The following IQCM variants were observed in gnomAD, a reference collection of about 807,000 sequenced individuals.
The protein encoded by IQCM is IQ domain-containing protein M.
A neutral mutation model predicts 57.6 loss-of-function variants in IQCM; 45 were observed. The ratio of observed to expected loss-of-function variants is 0.78; its 90% CI spans 0.62 to 1.00. The LOEUF (loss-of-function observed/expected upper bound fraction) is 1.00. Ranked by LOEUF, IQCM falls within the 50% of genes least tolerant of loss-of-function variation. The probability of loss-of-function intolerance (pLI) is 0.00; values close to 1 mark genes in which losing one functional copy is unlikely to be tolerated. For synonymous variants in IQCM, 148 were observed against 158.9 expected (o/e 0.93, Z 0.51); for missense variants, 468 against 511.6 (o/e 0.91, Z 0.82).
chr4:149,798,309 C>T (rs1428191155), intron 2 of IQCM, among the ~76,000 whole-genome samples: 1 of 151,812 alleles, frequency 6.6e-6, no homozygotes, highest in Non-Finnish European at 1.5e-5. Context: ...ATTTGCAAGC[C>T]TCATGATAAC....
chr4:149,526,396 A>C (rs1316459320), intron 12 of IQCM, among the ~76,000 whole-genome samples: 1 of 152,064 alleles, frequency 6.6e-6, no homozygotes, highest in Non-Finnish European at 1.5e-5. Flanking sequence ...GTACTTTCAT[A>C]TGCATATATA....
At chr4:149,395,730 A>C (rs1441393556) in intron 13 of IQCM, among the ~76,000 whole-genome samples, 1 of 152,030 alleles carries the variant, frequency 6.6e-6, no homozygotes, top group Admixed American at 6.6e-5. Flanking sequence ...TATTTTGGGA[A>C]CAATAAAGTG....
Position 149,699,308 on chromosome 4 carries a change from A to C in IQCM, c.386-12840T>G, listed in dbSNP as rs570963861. Among the ~76,000 whole-genome samples the C allele has an allele frequency of 5.1e-4, 77 of 152,174 alleles. 1 individual carries two copies. In the South Asian group the frequency reaches 0.015, roughly 30 times the overall value. On this transcript the variant is annotated intron_variant, in intron 5 of 13. Transcript: ENST00000636793. Reference sequence around the variant, plus strand: ...AATTAGATAGTATACACTCTTCCCCAAAAAAGGAAATAATACCAATTATCT... The same window carrying C: ...AATTAGATAGTATACACTCTTCCCCCAAAAAGGAAATAATACCAATTATCT...
At chr4:149,474,821 G>C (rs1363605499) in intron 12 of IQCM, among the ~76,000 whole-genome samples, 1 of 152,088 alleles carries the variant, frequency 6.6e-6, no homozygotes, top group Admixed American at 6.6e-5. Flanking sequence ...TAGTTAGCTG[G>C]ATGAAAATCT....
chr4:149,370,934 T>C lies in IQCM; in HGVS notation c.1391-18868A>G, dbSNP rs151133877. Reference sequence around the variant, plus strand: ...AAATCTACCTGGTGTATCTAAGATATAACCAGTACACAGCCCAATTTTCCT... The same window carrying C: ...AAATCTACCTGGTGTATCTAAGATACAACCAGTACACAGCCCAATTTTCCT... On this transcript the variant is annotated intron_variant, in intron 13 of 13. Transcript: ENST00000636793. Among the ~76,000 whole-genome samples the C allele has an allele frequency of 5.9e-3, 897 of 151,960 alleles. 5 individuals are homozygous for C. Among genetic ancestry groups the C allele is most frequent in the Non-Finnish European group, 9.3e-3 (635 of 67,938 alleles).
intron 3 of IQCM, among the ~76,000 whole-genome samples, chr4:149,737,030 C>T (rs1442242589): frequency 6.6e-6 from 1 of 152,158 alleles, no homozygotes. Context: ...ATGTACACCA[C>T]TACGGATAAA....
At chr4:149,532,044 T>A (rs1343814651) in intron 12 of IQCM, among the ~76,000 whole-genome samples, 1 of 152,044 alleles carries the variant, frequency 6.6e-6, no homozygotes, top group Non-Finnish European at 1.5e-5. Flanking sequence ...TGAATCCTAA[T>A]CTTATTTAAT....
At chr4:149,715,541 T>C (rs1299315853) in intron 5 of IQCM, among the ~76,000 whole-genome samples, 2 of 152,288 alleles carry the variant, frequency 1.3e-5, no homozygotes, top group Non-Finnish European at 2.9e-5. Flanking sequence ...TCTTCTCTCC[T>C]TTCCTCTTCT....
At position 149,496,193 on chromosome 4, in the gene IQCM, G is replaced by A. The variant is rs141314818; in HGVS notation, c.1228+52262C>T. On this transcript the variant is annotated intron_variant, in intron 12 of 13. Transcript: ENST00000636793. The stretch of plus-strand genomic sequence containing the variant: ...GGAATATTTGCAAATTCTAGCTCTA[G>A]GAATAACAATTTTTAGCCCAACCCA... Among the ~76,000 whole-genome samples, 3 of 152,142 alleles carry A rather than the reference G, an allele frequency of 2.0e-5. No homozygotes were observed. In the East Asian group the frequency reaches 5.8e-4, roughly 29 times the overall value.
chr4:149,675,071 T>C (rs1471704580), intron 7 of IQCM, among the ~76,000 whole-genome samples: 2 of 152,044 alleles, frequency 1.3e-5, no homozygotes, highest in African/African-American at 2.4e-5. Flanking sequence ...GTATGTATTA[T>C]GATGGAGGGC....
Position 149,433,387 on chromosome 4 carries a change from A to T in IQCM, c.1390+9T>A. On this transcript the variant is annotated intron_variant, in intron 13 of 13. Coordinates refer to ENST00000636793, the MANE Select transcript of IQCM (RefSeq NM_001363507.2). ...TCTTTACAATAAAAAATAAGGTTCA[A>T]TATCTTACCTATATATCTATAACCT... is the stretch of plus-strand genomic sequence containing the variant. 1 of 1,182,094 alleles carries T rather than the reference A, an allele frequency of 8.5e-7. No individual in the cohort carries two copies. The highest frequency in any genetic ancestry group is 1.1e-6 in the Non-Finnish European group (1 of 942,966). 73.2% of individuals were successfully genotyped at this position (1,182,094 alleles called of 1,614,324 possible).
intron 2 of IQCM, among the ~76,000 whole-genome samples, chr4:149,808,574 G>A (rs1034733079): frequency 1.3e-5 from 2 of 152,036 alleles, no homozygotes; most frequent in Non-Finnish European, 2.9e-5. Flanking sequence ...AACACAAAAA[G>A]GTAGATGTTT....
rs1022386422 is a variant in IQCM at position 149,812,479 on chromosome 4, C to T, written c.-49+2832G>A. On this transcript the variant is annotated intron_variant, in intron 2 of 13. Coordinates refer to ENST00000636793, the MANE Select transcript of IQCM (RefSeq NM_001363507.2). ...TAGATCTCTCTCTCTCTCTCTCTCT[C>T]TCACACACACACACACACACACAGA... Among the ~76,000 whole-genome samples, 5 of 135,910 alleles carry T rather than the reference C, an allele frequency of 3.7e-5. No homozygotes were observed. In the East Asian group the frequency reaches 1.3e-3, roughly 34 times the overall value. The allele number at this position is 135,910 out of a possible 152,430, so 89.2% of individuals were successfully genotyped here.
intron 7 of IQCM, among the ~76,000 whole-genome samples, chr4:149,638,993 T>C (rs181470671): frequency 9.2e-5 from 14 of 152,240 alleles, no homozygotes; most frequent in Admixed American, 7.9e-4. Flanking sequence ...CATTTACTTC[T>C]AGAGGTAGAG....
At chr4:149,726,144 G>A (rs78842097) in intron 5 of IQCM, among the ~76,000 whole-genome samples, 2,717 of 126,468 alleles carry the variant, frequency 0.021, 56 homozygotes, top group African/African-American at 0.052. Flanking sequence ...AGAAAGAAAA[G>A]AAAGAAAGAA....
chr4:149,494,300 A>G (rs1381500849), intron 12 of IQCM, among the ~76,000 whole-genome samples: 1 of 152,152 alleles, frequency 6.6e-6, no homozygotes, highest in African/African-American at 2.4e-5. Flanking sequence ...TGTGCAACAA[A>G]TAAGGGAATA....
intron 5 of IQCM, among the ~76,000 whole-genome samples, chr4:149,720,192 CTCTAT>C (rs1226480955): frequency 1.3e-5 from 2 of 152,170 alleles, no homozygotes; most frequent in African/African-American, 2.4e-5. Context: ...CAAGTCACCA[CTCTAT>C]TCTAAGATTT....
At chr4:149,410,139 C>G (rs185993384) in intron 13 of IQCM, among the ~76,000 whole-genome samples, 1 of 152,144 alleles carries the variant, frequency 6.6e-6, no homozygotes, top group East Asian at 1.9e-4. Flanking sequence ...GCCGAGATTG[C>G]GCCACTCCAC....
intron 12 of IQCM, among the ~76,000 whole-genome samples, chr4:149,475,075 G>C (rs941170600): frequency 2.0e-5 from 3 of 152,280 alleles, no homozygotes; most frequent in Non-Finnish European, 2.9e-5. Flanking sequence ...ATTTTGAAAA[G>C]ACCATTCTGG....
Sources: gnomAD v4.1 joint callset for allele counts (sites outside exome capture counted in the v4.1 genomes callset) on GRCh38, gnomAD v4.1.1 for gene constraint, MANE v1.5 for transcripts, NCBI Gene and HGNC (gene_info 2026-07-23, HGNC 2026-07-21) for gene names.